Variants in C6 observed in about 807,000 individuals in gnomAD.
C6 encodes complement C6.
In C6, 101 loss-of-function variants were observed where a neutral mutation model predicts 112.9. The observed-to-expected ratio is 0.89, with a 90% CI of 0.76 to 1.06. The LOEUF (loss-of-function observed/expected upper bound fraction) is 1.06, where lower values mean the gene tolerates loss of function less well. Among genes scored for constraint, C6 ranks in the 50% least tolerant of loss-of-function variants. The pLI is 0.00. For synonymous variants in C6, 431 were observed against 384.1 expected (o/e 1.12, Z -1.43); for missense variants, 1,202 against 1,104.6 (o/e 1.09, Z -1.25).
intron 3 of C6, among the ~76,000 whole-genome samples, chr5:41,201,152 C>T (rs1168842761): frequency 6.6e-6 from 1 of 151,900 alleles, no homozygotes; most frequent in African/African-American, 2.4e-5. Context: ...TGTCCCATCC[C>T]CAAGCTACTA....
Position 41,149,236 on chromosome 5 carries a change from C to G in C6, c.2623+5G>C. 1.9e-6 allele frequency: 3 copies of G among 1,613,966 alleles called. No individual in the cohort carries two copies. Among genetic ancestry groups the G allele is most frequent in the Non-Finnish European group, 2.5e-6 (3 of 1,179,902 alleles). On this transcript the variant is annotated splice_donor_5th_base_variant and intron_variant, in intron 17 of 17. Coordinates refer to ENST00000337836, the MANE Select transcript of C6 (RefSeq NM_000065.5). ...GCATTTAGTATGGTCACCATTGGAA[C>G]TTACCTGAACATTTTTCCCAGTCAT...
At chr5:41,167,247 A>G (rs1178857563) in intron 9 of C6, among the ~76,000 whole-genome samples, 6 of 152,064 alleles carry the variant, frequency 3.9e-5, no homozygotes, top group Non-Finnish European at 8.8e-5. Flanking sequence ...TTTTAATGTC[A>G]AGGGCCAGGC....
intron 5 of C6, among the ~76,000 whole-genome samples, chr5:41,187,708 ACAC>A (rs1417993951): frequency 7.3e-4 from 110 of 151,492 alleles, no homozygotes; most frequent in African/African-American, 1.5e-3. Context: ...ATACACACAC[ACAC>A]ACACACACAC....
chr5:41,235,357 G>C (rs1421502868), intron 1 of C6, among the ~76,000 whole-genome samples: 1 of 145,308 alleles, frequency 6.9e-6, no homozygotes, highest in African/African-American at 2.6e-5. Flanking sequence ...ATAGTTTACT[G>C]AGAATGATGG....
In C6 at chr5:41,209,656, C is replaced by G. The variant is rs568505429; in HGVS notation, c.-21+3720G>C. On this transcript the variant is annotated intron_variant, in intron 1 of 17. Transcript: ENST00000337836. Reference sequence around the variant, plus strand: ...ATGAAATACCTAGGAATCCAACTTACAAGGGATGTGAAGGACCTCTTCAAG... The same window carrying G: ...ATGAAATACCTAGGAATCCAACTTAGAAGGGATGTGAAGGACCTCTTCAAG... Among the ~76,000 whole-genome samples the G allele has an allele frequency of 3.3e-3, 498 of 152,264 alleles. 2 individuals are homozygous for G. Among genetic ancestry groups the G allele is most frequent in the Middle Eastern group, 6.8e-3 (2 of 294 alleles).
chr5:41,144,788 G>T (rs777771005), intron 17 of C6, among the ~76,000 whole-genome samples: 1 of 152,018 alleles, frequency 6.6e-6, no homozygotes, highest in Non-Finnish European at 1.5e-5. Flanking sequence ...CTTTGTGTCC[G>T]TATGTTCTCA....
At chr5:41,147,162 G>T (rs950929483) in intron 17 of C6, among the ~76,000 whole-genome samples, 2 of 152,152 alleles carry the variant, frequency 1.3e-5, no homozygotes, top group Non-Finnish European at 2.9e-5. Context: ...AAATAAAAAT[G>T]ATGTTGTATA....
chr5:41,233,729 T>C (rs536927839), intron 1 of C6, among the ~76,000 whole-genome samples: 2 of 152,124 alleles, frequency 1.3e-5, no homozygotes, highest in South Asian at 2.1e-4. Context: ...AAAAGACCTA[T>C]CTAATCTTAG....
At chr5:41,233,148 A>C (rs1320752968) in intron 1 of C6, among the ~76,000 whole-genome samples, 1 of 152,106 alleles carries the variant, frequency 6.6e-6, no homozygotes, top group East Asian at 1.9e-4. Flanking sequence ...ATATCAGCTC[A>C]GTCACCAATT....
chr5:41,221,187 A>G (rs1739145292), intron 1 of C6, among the ~76,000 whole-genome samples: 1 of 152,038 alleles, frequency 6.6e-6, no homozygotes, highest in Non-Finnish European at 1.5e-5. Flanking sequence ...TCCATATTTC[A>G]TAGTACTTGC....
intron 1 of C6, among the ~76,000 whole-genome samples, chr5:41,246,211 C>A (rs958204655): frequency 1.3e-5 from 2 of 152,158 alleles, no homozygotes; most frequent in South Asian, 4.1e-4. Flanking sequence ...CTTGGTGCTA[C>A]GTTTCTCTTG....
chr5:41,187,481 G>A (rs1178061084), intron 5 of C6, among the ~76,000 whole-genome samples: 2 of 152,072 alleles, frequency 1.3e-5, no homozygotes, highest in Non-Finnish European at 2.9e-5. Context: ...AGGCTTTTGC[G>A]ATCTATTAGA....
chr5:41,163,310 C>CTTT lies in C6; in HGVS notation c.1292-1454_1292-1452dup, dbSNP rs35341613. ...TGTAATATATGTATTTATCAATGAA[C>CTTT]TTTTTTTTTTTTTTTTTTTGAGATA... On this transcript the variant is annotated intron_variant, in intron 9 of 17. Transcript: ENST00000337836. Among the ~76,000 whole-genome samples the CTTT allele has an allele frequency of 4.5e-3, 608 of 134,544 alleles. 23 individuals carry two copies. In the East Asian group the frequency reaches 0.055, roughly 12 times the overall value. The allele number at this position is 134,544 out of a possible 152,430, so 88.3% of individuals were successfully genotyped here.
chr5:41,172,667 G>A (rs1175273561), intron 8 of C6: 5 of 432,884 alleles, frequency 1.2e-5, no homozygotes, highest in African/African-American at 2.0e-5. Flanking sequence ...CCTGCCACTT[G>A]TTGCCACTTA....
chr5:41,176,492 T>A lies in C6; in HGVS notation c.1151A>T (p.Glu384Val). 1 of 1,613,490 alleles carries A rather than the reference T, an allele frequency of 6.2e-7. No homozygotes were observed. The highest frequency in any genetic ancestry group is 8.5e-7 in the Non-Finnish European group (1 of 1,179,580). The change falls in exon 8 of 18, where the codon GAG becomes GTG. Residue 384 changes from glutamate (E) to valine (V), a missense_variant. Physicochemically the swap from Glu to Val is moderately radical, Grantham distance 121 (BLOSUM62 -2). Transcript: ENST00000337836. Reference protein sequence around the residue: ...VYDLLYQFSSEELKNSGLTEE... With the variant: ...VYDLLYQFSSVELKNSGLTEE... ...AAAGTTACCTGAGTTCTTTAGTTCC[T>A]CACTGCTAAACTGATAGAGAAGGTC...
intron 6 of C6, among the ~76,000 whole-genome samples, chr5:41,182,020 G>C (rs575690819): frequency 6.6e-6 from 1 of 152,094 alleles, no homozygotes; most frequent in Non-Finnish European, 1.5e-5. Context: ...TTCAAGAGAC[G>C]AGTCTGACTT....
At chr5:41,216,571 C>G (rs1028520559), upstream of C6, among the ~76,000 whole-genome samples, 39 of 152,118 alleles carry the variant, frequency 2.6e-4, no homozygotes, top group African/African-American at 9.2e-4. Flanking sequence ...TCACAGAGAT[C>G]ACATCCTCAC....
intron 8 of C6, among the ~76,000 whole-genome samples, chr5:41,175,021 T>C (rs1188608225): frequency 6.6e-6 from 1 of 152,194 alleles, no homozygotes; most frequent in Non-Finnish European, 1.5e-5. Flanking sequence ...AATACAAGAA[T>C]ATCGAATACA....
chr5:41,215,210 G>T (rs182437067), upstream of C6, among the ~76,000 whole-genome samples: 5 of 152,240 alleles, frequency 3.3e-5, no homozygotes, highest in Admixed American at 3.3e-4. Context: ...TGCTACAATG[G>T]TAGAGTTAAG....
Sources: allele counts gnomAD v4.1 joint callset (sites outside exome capture counted in the v4.1 genomes callset), GRCh38; gene constraint gnomAD v4.1.1; transcripts MANE v1.5; gene names NCBI Gene and HGNC (gene_info 2026-07-23, HGNC 2026-07-21).